THSD1: variants seen among roughly 807,000 people sequenced by gnomAD.
The protein encoded by THSD1 is thrombospondin type-1 domain-containing protein 1.
In THSD1, 34 loss-of-function variants were observed where a neutral mutation model predicts 46.3. That is an observed-to-expected ratio of 0.74 (90% CI 0.56 to 0.98). The LOEUF is 0.98. THSD1 is among the 50% of genes least tolerant of loss of function. The probability of loss-of-function intolerance (pLI) is 0.00; values close to 1 mark genes in which losing one functional copy is unlikely to be tolerated. For missense variants in THSD1, 1,023 were observed against 1,058.3 expected (o/e 0.97, Z 0.46); for synonymous variants, 407 against 416.5 (o/e 0.98, Z 0.28).
chr13:52,388,181 T>TAA (rs527728680), intron 3 of THSD1, among the ~76,000 whole-genome samples: 6 of 137,396 alleles, frequency 4.4e-5, no homozygotes, highest in Admixed American at 2.9e-4. Context: ...ACCACCCCAG[T>TAA]AAAAAAAAAA....
intron 4 of THSD1, among the ~76,000 whole-genome samples, chr13:52,380,687 A>C (rs1249892723): frequency 6.6e-6 from 1 of 151,910 alleles, no homozygotes; most frequent in African/African-American, 2.4e-5. Context: ...TGACCTCGTG[A>C]TCTGCCTAAC....
intron 1 of THSD1, among the ~76,000 whole-genome samples, chr13:52,403,966 T>TTA (rs1311507522): frequency 1.5e-4 from 17 of 109,960 alleles, no homozygotes; most frequent in African/African-American, 6.5e-4. Flanking sequence ...TTTTTTTTTT[T>TTA]AGACAGAGTC....
chr13:52,402,363 T>G (rs1265192914), intron 2 of THSD1, among the ~76,000 whole-genome samples, 180 bp downstream of exon 2: 1 of 152,176 alleles, frequency 6.6e-6, no homozygotes. Context: ...TACGAATCAA[T>G]CATGCAGAAT....
chr13:52,398,060 C>T lies in THSD1; in HGVS notation c.193G>A (p.Glu65Lys). 6.2e-7 allele frequency: 1 copy of T among 1,614,182 alleles called. No individual in the cohort carries two copies. The highest frequency in any genetic ancestry group is 8.5e-7 in the Non-Finnish European group (1 of 1,180,046). Residue 65 changes from glutamate to lysine, a missense_variant, in exon 3 of 5, where the codon GAG becomes AAG. Around this residue, in one of 3 missense-constraint regions of THSD1, gnomAD observed 429 missense variants for 518.3 expected, o/e 0.83. Transcript: ENST00000258613. ...GTTACAGTCTGATTGGTGTTGGCCT[C>T]CAACAGCAGGACAGATACATTCCTC... Reference protein sequence around the residue: ...TLRNVSVLLLEANTNQTVTTK... With the variant: ...TLRNVSVLLLKANTNQTVTTK...
Position 52,377,683 on chromosome 13 carries a change from G to A in THSD1, c.2287C>T (p.Pro763Ser). The A allele has an allele frequency of 3.1e-6, 5 of 1,609,982 alleles. No homozygotes were observed. Among genetic ancestry groups the A allele is most frequent in the Non-Finnish European group, 4.2e-6 (5 of 1,176,842 alleles). ...GAGACACTCTTGTGACTGGGGGACG[G>A]TCCCCGACGAGCTCTGTGGGGCTCT... ...RTEPHRARRGPSPSHKSVSRK... is the reference protein window; with the variant it reads ...RTEPHRARRGSSPSHKSVSRK... The change falls in exon 5 of 5, where the codon CCG becomes TCG. Residue 763 changes from proline (P) to serine (S), a missense_variant. Transcript: ENST00000258613.
chr13:52,378,591 C>T lies in THSD1; in HGVS notation c.1379G>A (p.Arg460Gln), dbSNP rs770915162. 1.9e-6 allele frequency: 3 copies of T among 1,614,142 alleles called. No individual in the cohort carries two copies. Among genetic ancestry groups the T allele is most frequent in the East Asian group, 2.2e-5 (1 of 44,854 alleles). Reference protein sequence around the residue: ...RHNSIHSPSFRKNSDEENICE... With the variant: ...RHNSIHSPSFQKNSDEENICE... Reference sequence around the variant, plus strand: ...GATATTCTCCTCGTCCGAGTTCTTCCGGAAGCTGGGGGAGTGGATGGAGTT... The same window carrying T: ...GATATTCTCCTCGTCCGAGTTCTTCTGGAAGCTGGGGGAGTGGATGGAGTT... Residue 460 changes from arginine (R) to glutamine (Q), a missense_variant, in exon 5 of 5, where the codon CGG becomes CAG. This residue lies in a region of THSD1 where 578 missense variants were observed against 497.4 expected (regional missense o/e 1.16). Coordinates refer to ENST00000258613, the MANE Select transcript of THSD1 (RefSeq NM_018676.4).
intron 3 of THSD1, among the ~76,000 whole-genome samples, chr13:52,394,681 C>T (rs1178651965): frequency 6.6e-6 from 1 of 151,744 alleles, no homozygotes; most frequent in East Asian, 1.9e-4. Context: ...TCTCCTAATA[C>T]CTAGTTGAGA....
At chr13:52,396,072 A>G (rs568396759) in intron 3 of THSD1, among the ~76,000 whole-genome samples, 1 of 152,326 alleles carries the variant, frequency 6.6e-6, no homozygotes, top group South Asian at 2.1e-4. Flanking sequence ...TAAGCTGGAT[A>G]GAAAAGGAAG....
Position 52,402,620 on chromosome 13 carries a change from G to A in THSD1, c.-20C>T. ...TTTCATTCTGATTGACAAAATCCCA[G>A]GTCTTTAGTCTCCTCATGTCCTTTC... On this transcript the variant is annotated 5_prime_UTR_variant, in exon 2 of 5. Coordinates refer to ENST00000258613, the MANE Select transcript of THSD1 (RefSeq NM_018676.4). 6.2e-7 allele frequency: 1 copy of A among 1,613,594 alleles called. No individual in the cohort carries two copies. The highest frequency in any genetic ancestry group is 8.5e-7 in the Non-Finnish European group (1 of 1,179,762).
At chr13:52,388,135 G>T (rs55850688) in intron 3 of THSD1, among the ~76,000 whole-genome samples, 10,830 of 150,894 alleles carry the variant, frequency 0.072, 516 homozygotes, top group African/African-American at 0.13. Context: ...CAGAAGATAA[G>T]AGAATGTCAT....
At chr13:52,387,248 A>G (rs1957739283) in intron 3 of THSD1, among the ~76,000 whole-genome samples, 1 of 152,206 alleles carries the variant, frequency 6.6e-6, no homozygotes, top group Admixed American at 6.5e-5. Context: ...AAAATGTCAA[A>G]TGTGATAAGC....
intron 2 of THSD1, 82 bp downstream of exon 2, chr13:52,402,461 A>G: frequency 1.5e-6 from 2 of 1,370,106 alleles, no homozygotes; most frequent in Non-Finnish European, 2.1e-6. Context: ...CTTCAGGAAG[A>G]GTCATCAACA....
chr13:52,405,378 C>T (rs1594106606), intron 1 of THSD1, among the ~76,000 whole-genome samples: 1 of 152,194 alleles, frequency 6.6e-6, no homozygotes, highest in South Asian at 2.1e-4. Context: ...GAAAACGAAG[C>T]AGTTATTTTG....
At chr13:52,384,177 T>G (rs1045881409) in intron 4 of THSD1, 2 of 282,690 alleles carry the variant, frequency 7.1e-6, no homozygotes, top group Non-Finnish European at 1.3e-5. Context: ...AGAGCGAAAC[T>G]CCGTCTCAAA....
chr13:52,400,603 A>AAAACAAAC (rs552746254), intron 2 of THSD1, among the ~76,000 whole-genome samples: 2 of 152,018 alleles, frequency 1.3e-5, no homozygotes, highest in African/African-American at 2.4e-5. Context: ...CCATCTCAAA[A>AAAACAAAC]AAACAAACAA....
chr13:52,389,327 T>A (rs1268922449), intron 3 of THSD1, among the ~76,000 whole-genome samples: 1 of 152,098 alleles, frequency 6.6e-6, no homozygotes, highest in East Asian at 1.9e-4. Flanking sequence ...ACCATTAAAA[T>A]ATTCAATTAA....
intron 3 of THSD1, among the ~76,000 whole-genome samples, chr13:52,396,972 T>A (rs1957816833): frequency 6.6e-6 from 1 of 152,202 alleles, no homozygotes; most frequent in Non-Finnish European, 1.5e-5. Context: ...TACATGTTGA[T>A]TTCGTTCAAT....
At chr13:52,397,199 G>A in intron 3 of THSD1, 33 bp downstream of exon 3, 1 of 1,493,128 alleles carries the variant, frequency 6.7e-7, no homozygotes, top group Non-Finnish European at 9.0e-7. Flanking sequence ...TGAAGGATTT[G>A]ATTTAAAATG....
intron 3 of THSD1, among the ~76,000 whole-genome samples, chr13:52,388,468 ATG>A (rs1957749867): frequency 6.6e-6 from 1 of 152,102 alleles, no homozygotes; most frequent in Admixed American, 6.6e-5. Flanking sequence ...AATAGCGGCA[ATG>A]TATTATTTGT....
Sources: gnomAD v4.1 joint callset for allele counts (sites outside exome capture counted in the v4.1 genomes callset) on GRCh38, gnomAD v4.1.1 for gene constraint, gnomAD v4.1.1 regional missense constraint, MANE v1.5 for transcripts, NCBI Gene and HGNC (gene_info 2026-07-23, HGNC 2026-07-21) for gene names.